The following SPTB variants were observed in gnomAD, a reference collection of about 807,000 sequenced individuals.
SPTB encodes the protein spectrin beta, erythrocytic.
In SPTB, 45 loss-of-function variants were observed where a neutral mutation model predicts 256.2. The observed-to-expected ratio is 0.18, with a 90% confidence interval of 0.14 to 0.23. The LOEUF is 0.23. SPTB is among the 10% of genes least tolerant of loss of function. SPTB has a pLI of 1.00. For missense variants in SPTB, 2,715 were observed against 3,040.4 expected, an observed-to-expected ratio of 0.89 and a Z score of 2.52; for synonymous variants, 1,231 against 1,243.1, an observed-to-expected ratio of 0.99 and a Z score of 0.21.
At position 64,749,562 on chromosome 14, in the gene SPTB, G is replaced by T. The variant is rs1348262288; in HGVS notation, c.6820-89C>A. ...AACAATGGTGGGGGCTCTTGGGACT[G>T]CCCCTTCTGAGGGGGCCTCCAGGGC... is the stretch of plus-strand genomic sequence containing the variant. On this transcript the variant is annotated intron_variant, in intron 35 of 35. Transcript: ENST00000644917. This position sits in a 1 kb window ranked among gnomAD's most constrained non-coding sequence, Gnocchi z 4.7. 1.2e-6 allele frequency: 2 copies of T among 1,604,244 alleles called. No individual in the cohort carries two copies. The highest frequency in any genetic ancestry group is 1.7e-6 in the Non-Finnish European group (2 of 1,178,542).
At chr14:64,771,734 C>T (rs980515833) in intron 26 of SPTB, among the ~76,000 whole-genome samples, 14 of 152,182 alleles carry the variant, frequency 9.2e-5, no homozygotes, top group Admixed American at 6.5e-4. Context: ...ATCTCAGGGG[C>T]CCTGGCATCC....
At chr14:64,843,167 G>A (rs2083635088) in intron 1 of SPTB, among the ~76,000 whole-genome samples, 1 of 152,240 alleles carries the variant, frequency 6.6e-6, no homozygotes, top group Non-Finnish European at 1.5e-5. Flanking sequence ...GCCCTTTTTG[G>A]GCATCTGTGT....
chr14:64,800,254 G>A (rs2082857783), intron 8 of SPTB, among the ~76,000 whole-genome samples: 2 of 152,196 alleles, frequency 1.3e-5, no homozygotes, highest in African/African-American at 2.4e-5. Context: ...CCAGGGTTTT[G>A]TTTATTTTTA....
Position 64,816,834 on chromosome 14 carries a change from G to A in SPTB, c.148+6113C>T, listed in dbSNP as rs1269072623. On this transcript the variant is annotated intron_variant, in intron 2 of 35. Coordinates refer to ENST00000644917, the MANE Select transcript of SPTB (RefSeq NM_001355436.2). This position sits in a 1 kb window ranked among gnomAD's most constrained non-coding sequence, Gnocchi z 4.2. ...GCCAAGAAGCATGTGGGGGACACAT[G>A]GGGCAGGGAGAATGGGTGCTGGCTT... Among the ~76,000 whole-genome samples, 2 of 150,158 alleles carry A rather than the reference G, an allele frequency of 1.3e-5. No homozygotes were observed. Among genetic ancestry groups the A allele is most frequent in the East Asian group, 4.0e-4 (2 of 5,034 alleles).
At position 64,772,904 on chromosome 14, in the gene SPTB, C is replaced by T. The variant is rs757467103; in HGVS notation, c.5229G>A (p.Gly1743=). The part of the protein sequence containing the change: ...RDFARETGAI[G]QERVDNVNAF... The stretch of plus-strand genomic sequence containing the variant: ...CATTCACATTGTCCACCCGCTCCTG[C>T]CCAATCGCCCCGGTCTCCCGGGCAA... Residue 1743 remains glycine (G), a synonymous_variant, in exon 26 of 36, where the codon GGG becomes GGA. Transcript: ENST00000644917. The surrounding 1 kb of genome is among the most constrained non-coding windows in gnomAD (Gnocchi z 5.4). 3 of 1,604,806 alleles carry T rather than the reference C, an allele frequency of 1.9e-6. No individual in the cohort carries two copies. The highest frequency in any genetic ancestry group is 1.1e-5 in the South Asian group (1 of 90,730).
chr14:64,805,025 A>G lies in SPTB; in HGVS notation c.214T>C (p.Ser72Pro), dbSNP rs774078629. 1.2e-6 allele frequency: 2 copies of G among 1,613,628 alleles called. No individual in the cohort carries two copies. Among genetic ancestry groups the G allele is most frequent in the Admixed American group, 3.3e-5 (2 of 59,994 alleles). The change falls in exon 3 of 36, where the codon TCC (serine) becomes CCC (proline). Residue 72 changes from serine (S) to proline (P), a missense_variant. By Grantham distance (74) the Ser-to-Pro change is moderately conservative. Coordinates refer to ENST00000644917, the MANE Select transcript of SPTB (RefSeq NM_001355436.2). ...TTGTAGAGATCGGTGATGCGGCAGG[A>G]CACTCGAGCCAGGTGCGAGTTCACC... ...KWVNSHLARVSCRITDLYKDL... is the reference protein window; with the variant it reads ...KWVNSHLARVPCRITDLYKDL...
chr14:64,766,470 A>G, intron 32 of SPTB: 1 of 1,428,492 alleles, frequency 7.0e-7, no homozygotes. Context: ...AAACAAAACT[A>G]ATAACGTCAT....
intron 29 of SPTB, 131 bp from the exon 30 acceptor site, chr14:64,767,990 C>T (rs1268274973): frequency 2.0e-5 from 20 of 990,396 alleles, no homozygotes; most frequent in Admixed American, 1.0e-4. Context: ...CATGGATACG[C>T]TTGCTGCCTG....
chr14:64,833,216 T>C (rs538179570), intron 1 of SPTB, among the ~76,000 whole-genome samples: 1 of 152,314 alleles, frequency 6.6e-6, no homozygotes, highest in South Asian at 2.1e-4. Context: ...GAATAACTTC[T>C]TCTCTGTCAG....
At chr14:64,818,329 A>C (rs17102166) in intron 2 of SPTB, among the ~76,000 whole-genome samples, 2,067 of 152,262 alleles carry the variant, frequency 0.014, 36 homozygotes, top group African/African-American at 0.044. Flanking sequence ...TGAGCCGAGG[A>C]GCTGTAAAAC....
intron 1 of SPTB, among the ~76,000 whole-genome samples, chr14:64,868,192 G>C (rs1882307499): frequency 6.6e-6 from 1 of 152,174 alleles, no homozygotes; most frequent in African/African-American, 2.4e-5. Context: ...TAGAAAGGTA[G>C]AGACTGAAGG....
chr14:64,842,545 T>C (rs1035515636), intron 1 of SPTB, among the ~76,000 whole-genome samples: 1 of 152,170 alleles, frequency 6.6e-6, no homozygotes, highest in Non-Finnish European at 1.5e-5. Context: ...AAGATGAAGT[T>C]AGTAATAGTC....
chr14:64,797,693 T>G (rs758550748), intron 10 of SPTB, 36 bp downstream of exon 10: 1 of 1,462,570 alleles, frequency 6.8e-7, no homozygotes, highest in Admixed American at 1.7e-5. Context: ...ATTCAATCAA[T>G]CTACTGTCAA....
intron 1 of SPTB, among the ~76,000 whole-genome samples, chr14:64,830,657 C>T (rs989933345): frequency 6.6e-6 from 1 of 152,172 alleles, no homozygotes; most frequent in East Asian, 1.9e-4. Context: ...AGGCCCTCAT[C>T]TCTTCCCACT....
rs571632681 is a variant in SPTB, at chr14:64,827,520, C to T, written c.-51-4375G>A. On this transcript the variant is annotated intron_variant, in intron 1 of 35. Transcript: ENST00000644917. This position sits in a 1 kb window ranked among gnomAD's most constrained non-coding sequence, Gnocchi z 4.6. ...TTAACAATTTGGTATTGTGGCAACC[C>T]GGTCAGGAGATTAAATCCTGAAGTT... Among the ~76,000 whole-genome samples, 38 of 152,250 alleles carry T rather than the reference C, an allele frequency of 2.5e-4. No homozygotes were observed. The highest frequency in any genetic ancestry group is 7.5e-4 in the African/African-American group (31 of 41,528).
At position 64,847,605 on chromosome 14, in the gene SPTB, A is replaced by G. The variant is rs1296059913; in HGVS notation, c.-51-24460T>C. Among the ~76,000 whole-genome samples, 1 of 152,200 alleles carries G rather than the reference A, an allele frequency of 6.6e-6. No homozygotes were observed. Among genetic ancestry groups the G allele is most frequent in the Non-Finnish European group, 1.5e-5 (1 of 68,030 alleles). On this transcript the variant is annotated intron_variant, in intron 1 of 35. Coordinates refer to ENST00000644917, the MANE Select transcript of SPTB (RefSeq NM_001355436.2). The surrounding 1 kb of genome is among the most constrained non-coding windows in gnomAD (Gnocchi z 5.9). ...GCAACCACCACACTCCTAAGCCAGAACAGTGAGCAGGACTCCAGAAAGTCT... is the reference window on the plus strand; with the variant it reads ...GCAACCACCACACTCCTAAGCCAGAGCAGTGAGCAGGACTCCAGAAAGTCT...
chr14:64,795,141 A>G lies in SPTB; in HGVS notation c.1644+196T>C, dbSNP rs1169329791. Among the ~76,000 whole-genome samples the G allele has an allele frequency of 6.6e-6, 1 of 152,270 alleles. No homozygotes were observed. The highest frequency in any genetic ancestry group is 1.5e-5 in the Non-Finnish European group (1 of 68,046). Reference sequence around the variant, plus strand: ...CAGGGTACCATGGACCTGGGCTGGTATCACCTGCTGGAGCAGAGTGGACCA... The same window carrying G: ...CAGGGTACCATGGACCTGGGCTGGTGTCACCTGCTGGAGCAGAGTGGACCA... On this transcript the variant is annotated intron_variant, in intron 12 of 35. Coordinates refer to ENST00000644917, the MANE Select transcript of SPTB (RefSeq NM_001355436.2). This position sits in a 1 kb window ranked among gnomAD's most constrained non-coding sequence, Gnocchi z 6.5.
In SPTB at chr14:64,769,704, G is replaced by A. The variant is rs761143087; in HGVS notation, c.5823C>T (p.Leu1941=). Reference sequence around the variant, plus strand: ...CATTGATGCCCTGGTGATACTTCATGAGCAGTTCCACAGAGGAGACATCCC... The same window carrying A: ...CATTGATGCCCTGGTGATACTTCATAAGCAGTTCCACAGAGGAGACATCCC... The part of the protein sequence containing the change: ...RPRDVSSVEL[L]MKYHQGINAE... The change falls in exon 28 of 36, where the codon CTC becomes CTT. Residue 1941 remains leucine, a synonymous_variant. Transcript: ENST00000644917. The A allele has an allele frequency of 1.9e-6, 3 of 1,614,186 alleles. No individual in the cohort carries two copies. In the South Asian group the frequency reaches 3.3e-5, roughly 18 times the overall value.
In SPTB at chr14:64,793,089, G is replaced by T. The variant is rs1293691630; in HGVS notation, c.2574C>A (p.Asp858Glu). Reference protein sequence around the residue: ...LDLYTVFGETDACELWMGEKE... With the variant: ...LDLYTVFGETEACELWMGEKE... ...TCTCTCCCATCCACAGCTCACAGGC[G>T]TCTGTCTCCCCGAACACCGTGTACA... Residue 858 changes from aspartate to glutamate, a missense_variant, in exon 14 of 36, where the codon GAC (aspartate) becomes GAA (glutamate). Asp to Glu is a conservative substitution (Grantham distance 45). Coordinates refer to ENST00000644917, the MANE Select transcript of SPTB (RefSeq NM_001355436.2). The surrounding 1 kb of genome is among the most constrained non-coding windows in gnomAD (Gnocchi z 7.0). The T allele has an allele frequency of 6.2e-7, 1 of 1,613,994 alleles. No individual in the cohort carries two copies. Among genetic ancestry groups the T allele is most frequent in the Admixed American group, 1.7e-5 (1 of 60,012 alleles).
Sources: allele counts gnomAD v4.1 joint callset (sites outside exome capture counted in the v4.1 genomes callset), GRCh38; gene constraint gnomAD v4.1.1; non-coding constraint Gnocchi (gnomAD v3.1); transcripts MANE v1.5; gene names NCBI Gene and HGNC (gene_info 2026-07-23, HGNC 2026-07-21).